The following ITIH5 variants were observed in gnomAD, a reference collection of about 807,000 sequenced individuals.
ITIH5 encodes the protein inter-alpha-trypsin inhibitor heavy chain H5.
A neutral mutation model predicts 77.5 loss-of-function variants in ITIH5; 65 were observed. The ratio of observed to expected loss-of-function variants is 0.84; its 90% confidence interval spans 0.69 to 1.03. ITIH5 has a LOEUF of 1.03. ITIH5 is among the 50% of genes least tolerant of loss of function. ITIH5 has a pLI of 0.00. For missense variants in ITIH5, 1,208 were observed against 1,213.1 expected, an observed-to-expected ratio of 1.00 and a Z score of 0.06; for synonymous variants, 525 against 494.3, an observed-to-expected ratio of 1.06 and a Z score of -0.82.
At chr10:7,653,685 T>C (rs1300564044) in intron 2 of ITIH5, among the ~76,000 whole-genome samples, 4 of 152,150 alleles carry the variant, frequency 2.6e-5, no homozygotes, top group Non-Finnish European at 5.9e-5. Context: ...TAAATACAGA[T>C]TTAAATACAT....
rs190391957 is a variant in ITIH5 at position 7,655,643 on chromosome 10, C to T, written c.123G>A (p.Leu41=). 96 of 1,612,650 alleles carry T rather than the reference C, an allele frequency of 6.0e-5. 1 individual carries two copies. The East Asian group carries it at 1.8e-3, about 30-fold the overall frequency. The change falls in exon 2 of 14, where the codon CTG becomes CTA. Residue 41 remains leucine, a synonymous_variant. Coordinates refer to ENST00000397146, the MANE Select transcript of ITIH5 (RefSeq NM_030569.7). ...DGLRVPRQVR[L]LQRLKTKPLM... ...TGAATATACCTACCAGCCTCTGCAA[C>T]AGTCTGACTTGCCTCGGGACCCTGA...
intron 2 of ITIH5, among the ~76,000 whole-genome samples, chr10:7,648,751 A>G (rs1834045782): frequency 6.6e-6 from 1 of 152,208 alleles, no homozygotes; most frequent in African/African-American, 2.4e-5. Flanking sequence ...AAATAATTTC[A>G]TTTAATTTAA....
chr10:7,657,474 A>T lies in ITIH5; in HGVS notation c.91-1799T>A, dbSNP rs547246311. 4.5e-5 allele frequency among the ~76,000 whole-genome samples: 6 copies of T among 133,876 alleles called. No individual in the cohort carries two copies. The East Asian group carries it at 1.2e-3, about 26-fold the overall frequency. The allele number at this position is 133,876 out of a possible 152,430, so 87.8% of individuals were successfully genotyped here. A position where few individuals can be genotyped will look rare whatever the true frequency, so the allele number is the denominator to read the frequency against. The stretch of plus-strand genomic sequence containing the variant: ...AGAAAAGGGAAGAAAATACTGATAG[A>T]AAAAAAAAATGAACACAAAAGAAAA... On this transcript the variant is annotated intron_variant, in intron 1 of 13. Coordinates refer to ENST00000397146, the MANE Select transcript of ITIH5 (RefSeq NM_030569.7).
rs553102811 is a variant in ITIH5, at chr10:7,642,095, A to C, written c.136-5T>G. ...TGTCATCAAAGGTTTGGTTTTCTGTAGGAATGAAAACACACAGTATCATCG... is the reference window on the plus strand; with the variant it reads ...TGTCATCAAAGGTTTGGTTTTCTGTCGGAATGAAAACACACAGTATCATCG... On this transcript the variant is annotated splice_region_variant and splice_polypyrimidine_tract_variant and intron_variant, in intron 2 of 13. Transcript: ENST00000397146. 6.2e-7 allele frequency: 1 copy of C among 1,613,032 alleles called. No individual in the cohort carries two copies. Among genetic ancestry groups the C allele is most frequent in the South Asian group, 1.1e-5 (1 of 90,940 alleles).
rs1047407 is a variant in ITIH5 at position 7,562,498 on chromosome 10, G to A, written c.*585C>T. 6.6e-5 allele frequency: 10 copies of A among 152,412 alleles called. No individual in the cohort carries two copies. Among genetic ancestry groups the A allele is most frequent in the African/African-American group, 2.4e-4 (10 of 41,346 alleles). The allele number at this position is 152,412 out of a possible 1,614,324, so 9.4% of individuals were successfully genotyped here. ...CAAGATACCACAGCAGAAGAAAAACGTCTTGCAAGAAAAGACTTCATGGTT... is the reference window on the plus strand; with the variant it reads ...CAAGATACCACAGCAGAAGAAAAACATCTTGCAAGAAAAGACTTCATGGTT... On this transcript the variant is annotated 3_prime_UTR_variant, in exon 14 of 14. Coordinates refer to ENST00000397146, the MANE Select transcript of ITIH5 (RefSeq NM_030569.7).
At position 7,566,117 on chromosome 10, in the gene ITIH5, T is replaced by C; in HGVS notation, c.2440A>G (p.Lys814Glu). 1 of 1,613,890 alleles carries C rather than the reference T, an allele frequency of 6.2e-7. No homozygotes were observed. The highest frequency in any genetic ancestry group is 8.5e-7 in the Non-Finnish European group (1 of 1,179,836). The change falls in exon 13 of 14, where the codon AAA becomes GAA. Residue 814 changes from lysine to glutamate, a missense_variant. Transcript: ENST00000397146. ...TGTCGCTGGAAGGGCGCCGGCTTTT[T>C]GTAGAGGTGGATGAGGATGACAAAG... ...IAFVILIHLY[K>E]KPAPFQRHHL...
At chr10:7,629,240 A>C (rs1833661615) in intron 5 of ITIH5, among the ~76,000 whole-genome samples, 1 of 136,954 alleles carries the variant, frequency 7.3e-6, no homozygotes, top group Non-Finnish European at 1.6e-5. Context: ...CCCATGTTGT[A>C]GCGTGTGTCC....
chr10:7,563,071 A>G lies in ITIH5; in HGVS notation c.*12T>C. 1 of 1,612,534 alleles carries G rather than the reference A, an allele frequency of 6.2e-7. No homozygotes were observed. The highest frequency in any genetic ancestry group is 8.5e-7 in the Non-Finnish European group (1 of 1,178,578). On this transcript the variant is annotated 3_prime_UTR_variant, in exon 14 of 14. Coordinates refer to ENST00000397146, the MANE Select transcript of ITIH5 (RefSeq NM_030569.7). ...TGTCCTTCATGCACTTGCATCTTTA[A>G]GGCTGCCAGCTTCAGAGCTCCCTGG...
At chr10:7,633,343 C>T (rs1239448591) in intron 5 of ITIH5, among the ~76,000 whole-genome samples, 1 of 152,154 alleles carries the variant, frequency 6.6e-6, no homozygotes, top group Non-Finnish European at 1.5e-5. Context: ...GGAAAGATCC[C>T]ATTAATTTAC....
At position 7,637,383 on chromosome 10, in the gene ITIH5, C is replaced by T; in HGVS notation, c.497G>A (p.Arg166His). 6.2e-7 allele frequency: 1 copy of T among 1,614,226 alleles called. No homozygotes were observed. Among genetic ancestry groups the T allele is most frequent in the Non-Finnish European group, 8.5e-7 (1 of 1,180,048 alleles). ...FLSYEELLQR[R>H]LGKYEHSISV... ...GATGCTGTGCTCGTACTTGCCCAGG[C>T]GCCTCTGCAGAAGCTCCTCATAACT... Residue 166 changes from arginine (R) to histidine (H), a missense_variant, in exon 5 of 14, where the codon CGC (arginine) becomes CAC (histidine). Transcript: ENST00000397146.
At chr10:7,655,405 GTT>G (rs1834164582) in intron 2 of ITIH5, among the ~76,000 whole-genome samples, 1 of 151,838 alleles carries the variant, frequency 6.6e-6, no homozygotes, top group Non-Finnish European at 1.5e-5. Flanking sequence ...AGACCTTTGT[GTT>G]TTTAGTTCTA....
At chr10:7,654,492 T>G (rs1448934788) in intron 2 of ITIH5, among the ~76,000 whole-genome samples, 1 of 152,200 alleles carries the variant, frequency 6.6e-6, no homozygotes, top group Non-Finnish European at 1.5e-5. Context: ...TGCAGAATAA[T>G]AAAGAAAATA....
At chr10:7,574,977 T>C (rs1004571737) in intron 10 of ITIH5, among the ~76,000 whole-genome samples, 13 of 152,104 alleles carry the variant, frequency 8.5e-5, no homozygotes, top group Admixed American at 3.9e-4. Flanking sequence ...TTCCTGGATG[T>C]GGCATGGATC....
At position 7,559,992 on chromosome 10, in the gene ITIH5, C is replaced by T. The variant is rs772273237; in HGVS notation, c.*3091G>A. ...TCAGCCTCCCAAGTAGCTGGAACTA[C>T]AGGCACGCACCACCACGCCCAGCTA... On this transcript the variant is annotated 3_prime_UTR_variant, in exon 14 of 14. Transcript: ENST00000397146. 7.9e-5 allele frequency: 30 copies of T among 377,766 alleles called. No homozygotes were observed. Among genetic ancestry groups the T allele is most frequent in the Non-Finnish European group, 1.4e-4 (27 of 194,288 alleles). 23.4% of individuals were successfully genotyped at this position (377,766 alleles called of 1,614,324 possible).
At chr10:7,642,688 A>C (rs1428692022) in intron 2 of ITIH5, among the ~76,000 whole-genome samples, 1 of 152,248 alleles carries the variant, frequency 6.6e-6, no homozygotes, top group African/African-American at 2.4e-5. Flanking sequence ...TGTGCTAATT[A>C]AATTTCTCCC....
intron 11 of ITIH5, chr10:7,572,731 T>C (rs1832325942): frequency 5.1e-6 from 1 of 194,472 alleles, no homozygotes; most frequent in South Asian, 9.3e-5. Context: ...CTGAATGAGC[T>C]GGTATTTTTA....
chr10:7,644,512 T>TATATATCACATATATG (rs1564277394), intron 2 of ITIH5, among the ~76,000 whole-genome samples: 6 of 48,896 alleles, frequency 1.2e-4, no homozygotes, highest in African/African-American at 4.1e-4. Flanking sequence ...ATATATATGA[T>TATATATCACATATATG]ATATATCACA....
chr10:7,594,607 G>A (rs531792411), intron 7 of ITIH5, among the ~76,000 whole-genome samples: 1 of 146,094 alleles, frequency 6.8e-6, no homozygotes, highest in South Asian at 2.3e-4. Flanking sequence ...GTACAGGCCT[G>A]ATTCGCGAGG....
chr10:7,586,024 C>T lies in ITIH5; in HGVS notation c.985G>A (p.Asp329Asn). Residue 329 changes from aspartate (D) to asparagine (N), a missense_variant, in exon 8 of 14, where the codon GAC (aspartate) becomes AAC (asparagine). Asp to Asn is a conservative substitution (Grantham distance 23, BLOSUM62 1). Transcript: ENST00000397146. Reference protein sequence around the residue: ...FTILHDLRPQDRFSIIGFSNR... With the variant: ...FTILHDLRPQNRFSIIGFSNR... ...GAAAATCCAATGATACTGAAACGGT[C>T]CTGGGGTCGGAGGTCATGGAGAATT... 8 of 1,613,938 alleles carry T rather than the reference C, an allele frequency of 5.0e-6. No individual in the cohort carries two copies. The highest frequency in any genetic ancestry group is 6.8e-6 in the Non-Finnish European group (8 of 1,179,992).
Sources: gnomAD v4.1 joint callset for allele counts (sites outside exome capture counted in the v4.1 genomes callset) on GRCh38, gnomAD v4.1.1 for gene constraint, MANE v1.5 for transcripts, NCBI Gene and HGNC (gene_info 2026-07-23, HGNC 2026-07-21) for gene names.